The following GALC variants were observed in gnomAD, a reference collection of about 807,000 sequenced individuals.
The protein encoded by GALC is galactocerebrosidase.
In GALC, 77 loss-of-function variants were observed where a neutral mutation model predicts 91.8. That is an observed-to-expected ratio of 0.84 (90% CI 0.70 to 1.01). The LOEUF is 1.01. Among genes scored for constraint, GALC ranks in the 50% least tolerant of loss-of-function variants. The pLI, the probability that GALC is intolerant of heterozygous loss-of-function variation, is 0.00. For missense variants in GALC, 882 were observed against 855.9 expected, an observed-to-expected ratio of 1.03 and a Z score of -0.38; for synonymous variants, 357 against 306.7, an observed-to-expected ratio of 1.16 and a Z score of -1.71.
chr14:87,980,573 C>T (rs772738907), intron 6 of GALC: 55 of 793,352 alleles, frequency 6.9e-5, no homozygotes, highest in Non-Finnish European at 7.8e-5. Context: ...CCTATCCATC[C>T]GTTCTTGAAG....
rs781769154 is a variant in GALC at position 87,993,034 on chromosome 14, A to C, written c.131T>G (p.Val44Gly). ...CALLAPGGAY[V>G]LDDSDGLGRE... Reference sequence around the variant, plus strand: ...GCCCAGCCCGTCGGAGTCGTCGAGCACGTACGCGCCGCCGGGCGCCAGCAG... The same window carrying C: ...GCCCAGCCCGTCGGAGTCGTCGAGCCCGTACGCGCCGCCGGGCGCCAGCAG... Residue 44 changes from valine to glycine, a missense_variant, in exon 1 of 17, where the codon GTG (valine) becomes GGG (glycine). Physicochemically the swap from Val to Gly is moderately radical, Grantham distance 109. Transcript: ENST00000261304. 6.4e-7 allele frequency: 1 copy of C among 1,554,812 alleles called. No homozygotes were observed. The highest frequency in any genetic ancestry group is 1.4e-5 in the African/African-American group (1 of 72,292).
intron 7 of GALC, among the ~76,000 whole-genome samples, chr14:87,968,998 G>C (rs1242524419): frequency 2.0e-5 from 3 of 152,128 alleles, no homozygotes; most frequent in African/African-American, 7.2e-5. Context: ...CCTGTCCTTA[G>C]AACACAGAAA....
At chr14:87,941,899 A>T (rs1019801657) in intron 14 of GALC, among the ~76,000 whole-genome samples, 4 of 152,038 alleles carry the variant, frequency 2.6e-5, no homozygotes, top group Admixed American at 2.6e-4. Context: ...TGAACACATT[A>T]AAAAGTAAAA....
chr14:87,979,185 C>T (rs552917242), intron 6 of GALC, among the ~76,000 whole-genome samples: 32 of 152,012 alleles, frequency 2.1e-4, no homozygotes, highest in African/African-American at 7.7e-4. Context: ...CCACCATGCC[C>T]GGCTAATTTT....
chr14:87,977,885 G>A (rs1460815730), intron 6 of GALC, among the ~76,000 whole-genome samples: 10 of 152,174 alleles, frequency 6.6e-5, no homozygotes, highest in Admixed American at 6.5e-4. Context: ...AGAGGTGGCA[G>A]TCTAAGTTCA....
chr14:87,971,554 T>C (rs909300954), intron 7 of GALC, among the ~76,000 whole-genome samples: 6 of 151,998 alleles, frequency 3.9e-5, no homozygotes, highest in Non-Finnish European at 8.8e-5. Flanking sequence ...ATGGAAAAAA[T>C]TTAATTGAAT....
intron 6 of GALC, among the ~76,000 whole-genome samples, chr14:87,979,059 G>C (rs1326961054): frequency 6.7e-6 from 1 of 149,910 alleles, no homozygotes; most frequent in East Asian, 2.0e-4. Context: ...CTTTTCTTTT[G>C]AGACAGAGTC....
At chr14:87,975,180 TA>T (rs1886443307) in intron 7 of GALC, among the ~76,000 whole-genome samples, 1 of 151,926 alleles carries the variant, frequency 6.6e-6, no homozygotes, top group South Asian at 2.1e-4. Context: ...TGAAAAAGGA[TA>T]GATGAGCAAG....
upstream of GALC, chr14:87,993,384 G>A: frequency 6.5e-7 from 1 of 1,535,720 alleles, no homozygotes; most frequent in Non-Finnish European, 8.7e-7. Flanking sequence ...TGTACTTACT[G>A]CTGGCTTCTC....
chr14:87,949,081 G>A (rs1160988430), intron 12 of GALC, among the ~76,000 whole-genome samples: 2 of 151,886 alleles, frequency 1.3e-5, no homozygotes, highest in African/African-American at 4.8e-5. Context: ...ATGGCCCTAG[G>A]TGAATATGAG....
intron 10 of GALC, among the ~76,000 whole-genome samples, chr14:87,951,541 C>A (rs1191473111): frequency 6.6e-6 from 1 of 151,882 alleles, no homozygotes; most frequent in Non-Finnish European, 1.5e-5. Context: ...GATGCACATT[C>A]TTTTCAAGCG....
At chr14:87,950,149 T>A (rs1885243326) in intron 11 of GALC, among the ~76,000 whole-genome samples, 1 of 151,948 alleles carries the variant, frequency 6.6e-6, no homozygotes, top group Non-Finnish European at 1.5e-5. Flanking sequence ...TGGCAAATGA[T>A]AAAAAAATTA....
chr14:87,963,511 G>C lies in GALC; in HGVS notation c.1034C>G (p.Ala345Gly). The C allele has an allele frequency of 6.2e-7, 1 of 1,611,332 alleles. No individual in the cohort carries two copies. Among genetic ancestry groups the C allele is most frequent in the Non-Finnish European group, 8.5e-7 (1 of 1,178,286 alleles). ...AGGTTGAGTAAACTGAGTGGTATGAGCTATAGAAAAACAGAAAGTTCCAAA... is the reference window on the plus strand; with the variant it reads ...AGGTTGAGTAAACTGAGTGGTATGACCTATAGAAAAACAGAAAGTTCCAAA... ...YVVESPVWVS[A>G]HTTQFTQPGW... Residue 345 changes from alanine (A) to glycine (G), a missense_variant and splice_region_variant, in exon 10 of 17, where the codon GCT (alanine) becomes GGT (glycine). Physicochemically the swap from Ala to Gly is moderately conservative, Grantham distance 60. Coordinates refer to ENST00000261304, the MANE Select transcript of GALC (RefSeq NM_000153.4).
intron 1 of GALC, among the ~76,000 whole-genome samples, chr14:87,990,633 G>A (rs1019836176): frequency 2.0e-5 from 3 of 152,132 alleles, no homozygotes; most frequent in South Asian, 2.1e-4. Flanking sequence ...CCTACGCTAC[G>A]CCATTAATAC....
At chr14:87,980,132 C>A (rs982095245) in intron 6 of GALC, among the ~76,000 whole-genome samples, 4 of 152,158 alleles carry the variant, frequency 2.6e-5, no homozygotes, top group Admixed American at 1.3e-4. Context: ...CCTGTAATCC[C>A]AGCACTTTGG....
chr14:87,986,849 G>T, intron 3 of GALC: 1 of 511,362 alleles, frequency 2.0e-6, no homozygotes, highest in Non-Finnish European at 3.6e-6. Context: ...TCTATTACAA[G>T]CAGTACTGAG....
Position 87,948,746 on chromosome 14 carries a change from A to T in GALC, c.1339-868T>A, listed in dbSNP as rs376648432. 1.5e-3 allele frequency among the ~76,000 whole-genome samples: 224 copies of T among 152,198 alleles called. 6 individuals carry two copies. The South Asian group carries it at 0.044, about 30-fold the overall frequency. The stretch of plus-strand genomic sequence containing the variant: ...CATTATTTTTCTTATGAGGAAAATC[A>T]ATTTTATTATGCCATTCCTAGCAAT... On this transcript the variant is annotated intron_variant, in intron 12 of 16. Coordinates refer to ENST00000261304, the MANE Select transcript of GALC (RefSeq NM_000153.4).
chr14:87,965,729 T>A, intron 8 of GALC, 100 bp from the exon 9 acceptor site: 1 of 1,115,204 alleles, frequency 9.0e-7, no homozygotes, highest in Non-Finnish European at 1.3e-6. Flanking sequence ...GTAATACACA[T>A]CTACATAAAT....
chr14:87,942,383 A>G (rs995448975), intron 14 of GALC, among the ~76,000 whole-genome samples: 1 of 152,052 alleles, frequency 6.6e-6, no homozygotes, highest in Non-Finnish European at 1.5e-5. Context: ...ATGGGAAAAG[A>G]TTCAGCTGTC....
Sources: allele counts gnomAD v4.1 joint callset (sites outside exome capture counted in the v4.1 genomes callset), GRCh38; gene constraint gnomAD v4.1.1; transcripts MANE v1.5; gene names NCBI Gene and HGNC (gene_info 2026-07-23, HGNC 2026-07-21).